Variants in CDK10 observed in about 807,000 individuals in gnomAD.
CDK10 encodes the protein cyclin-dependent kinase 10.
CDK10 carries 55 observed loss-of-function variants against 51.0 expected under a neutral mutation model. The ratio of observed to expected loss-of-function variants is 1.08; its 90% CI spans 0.87 to 1.35. CDK10 has a LOEUF of 1.35. Ranked by LOEUF, CDK10 falls within the 40% of genes most tolerant of loss-of-function variation. CDK10 has a pLI of 0.00. For synonymous variants in CDK10, 255 were observed against 199.1 expected, an observed-to-expected ratio of 1.28 and a Z score of -2.36; for missense variants, 589 against 485.1, an observed-to-expected ratio of 1.21 and a Z score of -2.01.
chr16:89,687,607 A>G (rs2060253241), intron 1 of CDK10: 1 of 444,672 alleles, frequency 2.2e-6, no homozygotes, highest in African/African-American at 2.0e-5. Flanking sequence ...GCTCTCGCCC[A>G]GGCTGGAATG....
chr16:89,691,187 A>G (rs950139336), intron 3 of CDK10, among the ~76,000 whole-genome samples: 6 of 152,082 alleles, frequency 3.9e-5, no homozygotes, highest in Non-Finnish European at 7.4e-5. Flanking sequence ...AGGGAGGCTG[A>G]GGCAGGAGAA....
intron 2 of CDK10, 166 bp downstream of exon 2, chr16:89,689,490 C>G (rs1043550216): frequency 2.8e-5 from 18 of 634,496 alleles, no homozygotes; most frequent in Non-Finnish European, 4.9e-5. Flanking sequence ...GTAGTTATCA[C>G]AAACATTGTA....
At chr16:89,690,073 CA>C in intron 2 of CDK10, 1 of 159,100 alleles carries the variant, frequency 6.3e-6, no homozygotes, top group Non-Finnish European at 1.4e-5. Context: ...TCAAAAAAAC[CA>C]AAAACACCAC....
Position 89,692,788 on chromosome 16 carries a change from G to T in CDK10, c.485+272G>T, listed in dbSNP as rs545492752. ...GCCACCACACCCAGGCATGCACTCC[G>T]ATTTTTAAAAGGTCCAAACATCAAC... On this transcript the variant is annotated intron_variant, in intron 6 of 12. Coordinates refer to ENST00000353379, the MANE Select transcript of CDK10 (RefSeq NM_052988.5). The T allele has an allele frequency of 2.4e-5, 7 of 295,088 alleles. No homozygotes were observed. In the South Asian group the frequency reaches 5.8e-4, roughly 24 times the overall value. The allele number at this position is 295,088 out of a possible 1,614,324, so 18.3% of individuals were successfully genotyped here.
At chr16:89,689,479 T>C in intron 2 of CDK10, 155 bp downstream of exon 2, 3 of 650,974 alleles carry the variant, frequency 4.6e-6, no homozygotes, top group African/African-American at 1.8e-5. Flanking sequence ...CAATTCCTGA[T>C]GTAGTTATCA....
chr16:89,691,212 G>T (rs2060429907), intron 3 of CDK10, among the ~76,000 whole-genome samples: 2 of 152,274 alleles, frequency 1.3e-5, no homozygotes, highest in South Asian at 4.1e-4. Context: ...TTGAACCCGG[G>T]AGGCAGAGGT....
rs1228320703 is a variant in CDK10, at chr16:89,690,535, A to G, written c.161-18A>G. The G allele has an allele frequency of 1.2e-6, 2 of 1,611,828 alleles. No homozygotes were observed. The highest frequency in any genetic ancestry group is 1.7e-6 in the Non-Finnish European group (2 of 1,178,082). On this transcript the variant is annotated intron_variant, in intron 2 of 12. Transcript: ENST00000353379. ...GGGGCATCGAGATGATGTCATCACC[A>G]ATGTGTTTCCATTCCAGATCGGGCC...
chr16:89,693,549 G>A (rs1434073791), intron 8 of CDK10, 82 bp downstream of exon 8: 112 of 1,385,934 alleles, frequency 8.1e-5, no homozygotes, highest in Non-Finnish European at 1.1e-4. Flanking sequence ...GGCCGAAGCT[G>A]CAACTGGCCT....
chr16:89,693,607 C>T lies in CDK10; in HGVS notation c.608+140C>T, dbSNP rs1567521318. 8 of 796,438 alleles carry T rather than the reference C, an allele frequency of 1.0e-5. No homozygotes were observed. In the East Asian group the frequency reaches 2.1e-4, roughly 21 times the overall value. The allele number at this position is 796,438 out of a possible 1,614,324, so 49.3% of individuals were successfully genotyped here. On this transcript the variant is annotated intron_variant, in intron 8 of 12. Transcript: ENST00000353379. ...CTGTGCACACTCAGAAACGTTGGGTCTAGGACAGCCTCCAGGACACAGCAG... is the reference window on the plus strand; with the variant it reads ...CTGTGCACACTCAGAAACGTTGGGTTTAGGACAGCCTCCAGGACACAGCAG...
intron 8 of CDK10, 104 bp downstream of exon 8, chr16:89,693,571 A>G (rs1301359252): frequency 3.7e-5 from 42 of 1,142,552 alleles, no homozygotes; most frequent in Non-Finnish European, 5.1e-5. Context: ...GGGAATGTTA[A>G]GCTACAGGGT....
At chr16:89,695,097 G>A (rs1210863053) in intron 11 of CDK10, 27 bp downstream of exon 11, 1 of 1,602,458 alleles carries the variant, frequency 6.2e-7, no homozygotes, top group South Asian at 1.1e-5. Flanking sequence ...GGGGGGCAGG[G>A]ACCCTCACCA....
In CDK10 at chr16:89,695,068, A is replaced by G. The variant is rs761144743; in HGVS notation, c.930A>G (p.Lys310=). The change falls in exon 11 of 13, where the codon AAA becomes AAG. Residue 310 remains lysine (K), a splice_region_variant and synonymous_variant. Transcript: ENST00000353379. The part of the protein sequence containing the change: ...LHFLFMYDPK[K]RATAGDCLES... ...TCCTGTTCATGTACGACCCTAAGAA[A>G]AGGTGCTGATCTCTGCACGGGGGGC... The G allele has an allele frequency of 7.4e-6, 12 of 1,612,534 alleles. No homozygotes were observed. Among genetic ancestry groups the G allele is most frequent in the Non-Finnish European group, 1.0e-5 (12 of 1,179,792 alleles).
chr16:89,686,913 G>C, intron 1 of CDK10, 116 bp downstream of exon 1: 1 of 874,028 alleles, frequency 1.1e-6, no homozygotes, highest in Non-Finnish European at 1.7e-6. Context: ...GGGCGGGAAC[G>C]ACAGTCCCAG....
At chr16:89,695,162 C>G in intron 11 of CDK10, 92 bp downstream of exon 11, 1 of 1,542,370 alleles carries the variant, frequency 6.5e-7, no homozygotes, top group East Asian at 2.3e-5. Flanking sequence ...TGGAGAGGCC[C>G]CTCCCCAGGC....
chr16:89,689,484 T>G, intron 2 of CDK10, 160 bp downstream of exon 2: 2 of 643,812 alleles, frequency 3.1e-6, no homozygotes, highest in Non-Finnish European at 5.7e-6. Context: ...CCTGATGTAG[T>G]TATCACAAAC....
Position 89,694,299 on chromosome 16 carries a change from T to C in CDK10, c.668+67T>C, listed in dbSNP as rs545506135. 6.6e-6 allele frequency: 10 copies of C among 1,526,658 alleles called. No homozygotes were observed. The Admixed American group carries it at 1.6e-4, about 24-fold the overall frequency. 94.6% of individuals were successfully genotyped at this position (1,526,658 alleles called of 1,614,324 possible). On this transcript the variant is annotated intron_variant, in intron 9 of 12. Coordinates refer to ENST00000353379, the MANE Select transcript of CDK10 (RefSeq NM_052988.5). ...CTGGGACAGGAGCCGGGTCACCTGG[T>C]TCCTGAGCTCAGCCTCAGGGGAGGG...
chr16:89,695,295 C>T lies in CDK10; in HGVS notation c.935C>T (p.Ala312Val), dbSNP rs780139658. Reference sequence around the variant, plus strand: ...CTAACGCAGGCTGCCTCCTCCAGGGCGACGGCCGGGGACTGCCTGGAGAGC... The same window carrying T: ...CTAACGCAGGCTGCCTCCTCCAGGGTGACGGCCGGGGACTGCCTGGAGAGC... ...FLFMYDPKKR[A>V]TAGDCLESSY... Residue 312 changes from alanine to valine, a missense_variant and splice_region_variant, in exon 12 of 13, where the codon GCG (alanine) becomes GTG (valine). Coordinates refer to ENST00000353379, the MANE Select transcript of CDK10 (RefSeq NM_052988.5). 29 of 1,610,036 alleles carry T rather than the reference C, an allele frequency of 1.8e-5. No homozygotes were observed. Among genetic ancestry groups the T allele is most frequent in the Non-Finnish European group, 2.4e-5 (28 of 1,177,806 alleles).
rs531982232 is a variant in CDK10 at position 89,692,720 on chromosome 16, C to A, written c.485+204C>A. ...TCTCACACACTTGGGCTCAAGTGAT[C>A]CACCCACCTTGGCCTCCCAAAGTGC... On this transcript the variant is annotated intron_variant, in intron 6 of 12. Coordinates refer to ENST00000353379, the MANE Select transcript of CDK10 (RefSeq NM_052988.5). 3.0e-4 allele frequency: 124 copies of A among 419,938 alleles called. 1 individual carries two copies. The highest frequency in any genetic ancestry group is 2.4e-3 in the African/African-American group (118 of 48,416). 26.0% of individuals were successfully genotyped at this position (419,938 alleles called of 1,614,324 possible).
chr16:89,691,308 G>A, intron 3 of CDK10, 135 bp from the exon 4 acceptor site: 2 of 583,764 alleles, frequency 3.4e-6, no homozygotes, highest in Non-Finnish European at 5.9e-6. Flanking sequence ...GCTTATTGGG[G>A]TCGCCCCAAT....
Sources: allele counts gnomAD v4.1 joint callset (sites outside exome capture counted in the v4.1 genomes callset), GRCh38; gene constraint gnomAD v4.1.1; transcripts MANE v1.5; gene names NCBI Gene and HGNC (gene_info 2026-07-23, HGNC 2026-07-21).